RPRD1A: variants seen among roughly 807,000 people sequenced by gnomAD.
RPRD1A encodes regulation of nuclear pre-mRNA domain containing 1A.
A neutral mutation model predicts 37.8 loss-of-function variants in RPRD1A; 9 were observed. That is an observed-to-expected ratio of 0.24 (90% CI 0.14 to 0.42). The LOEUF is 0.42. RPRD1A is among the 10% of genes least tolerant of loss of function. RPRD1A has a pLI of 1.00. For synonymous variants in RPRD1A, 138 were observed against 139.7 expected (o/e 0.99, Z 0.08); for missense variants, 255 against 371.0 (o/e 0.69, Z 2.57).
chr18:36,056,672 TC>T (rs1913793470), intron 1 of RPRD1A, among the ~76,000 whole-genome samples: 1 of 152,040 alleles, frequency 6.6e-6, no homozygotes, highest in Non-Finnish European at 1.5e-5. Context: ...ATCCAAGCAT[TC>T]AACGTAAGTA....
chr18:36,033,659 T>A, intron 2 of RPRD1A, 49 bp downstream of exon 2: 1 of 1,513,856 alleles, frequency 6.6e-7, no homozygotes, highest in Non-Finnish European at 8.9e-7. Context: ...CAAAAGGACA[T>A]ATGGTACATT....
intron 1 of RPRD1A, among the ~76,000 whole-genome samples, chr18:36,054,540 G>A (rs1461376987): frequency 4.6e-5 from 7 of 152,122 alleles, no homozygotes; most frequent in African/African-American, 1.4e-4. Context: ...TCTAGATGAA[G>A]TGCTCAGATT....
chr18:36,060,420 C>T (rs576655647), intron 1 of RPRD1A, among the ~76,000 whole-genome samples: 99 of 151,902 alleles, frequency 6.5e-4, no homozygotes, highest in African/African-American at 2.1e-3. Flanking sequence ...GGCAACAAAG[C>T]GAGACTCTGT....
chr18:35,992,824 A>G lies in RPRD1A; in HGVS notation c.*327T>C, dbSNP rs1823746658. The stretch of plus-strand genomic sequence containing the variant: ...ATGCTGAAGAAAATAAAGAAAAACA[A>G]TTGAAAATACCTGAAGAAATACAAA... On this transcript the variant is annotated 3_prime_UTR_variant, in exon 7 of 7. Coordinates refer to ENST00000399022, the MANE Select transcript of RPRD1A (RefSeq NM_018170.5). 5.2e-6 allele frequency: 1 copy of G among 191,192 alleles called. No individual in the cohort carries two copies. The highest frequency in any genetic ancestry group is 5.9e-5 in the Admixed American group (1 of 17,080). 11.8% of individuals were successfully genotyped at this position (191,192 alleles called of 1,614,324 possible). A position where few individuals can be genotyped will look rare whatever the true frequency, so the allele number is the denominator to read the frequency against.
At chr18:36,061,218 A>T (rs772132112) in intron 1 of RPRD1A, among the ~76,000 whole-genome samples, 9 of 152,182 alleles carry the variant, frequency 5.9e-5, no homozygotes, top group Non-Finnish European at 1.3e-4. Flanking sequence ...TATATTTAAA[A>T]TTTTTTGTTT....
chr18:36,044,908 C>A (rs1912846215), intron 1 of RPRD1A, among the ~76,000 whole-genome samples: 1 of 151,964 alleles, frequency 6.6e-6, no homozygotes, highest in South Asian at 2.1e-4. Flanking sequence ...GTCTGAAATA[C>A]AAACATATAC....
intron 1 of RPRD1A, among the ~76,000 whole-genome samples, chr18:36,054,981 G>T (rs1376189674): frequency 6.6e-6 from 1 of 152,162 alleles, no homozygotes; most frequent in African/African-American, 2.4e-5. Context: ...ACTTACACTA[G>T]GGAGGGCATC....
chr18:35,996,251 T>A (rs1271173707), intron 6 of RPRD1A, among the ~76,000 whole-genome samples: 2 of 152,114 alleles, frequency 1.3e-5, no homozygotes, highest in Non-Finnish European at 2.9e-5. Context: ...CCTAAAATTA[T>A]TCTAAAATTA....
At position 36,008,573 on chromosome 18, in the gene RPRD1A, G is replaced by GTATATATATA. The variant is rs1339247337; in HGVS notation, c.790-15274_790-15273insTATATATATA. ...CCTGGGCGACACAGCAAGACCTTGTGTGTGTATATATATATATCTTTAAAA... is the reference window on the plus strand; with the variant it reads ...CCTGGGCGACACAGCAAGACCTTGTGTATATATATATGTGTATATATATATATCTTTAAAA... On this transcript the variant is annotated intron_variant, in intron 6 of 6. Coordinates refer to ENST00000399022, the MANE Select transcript of RPRD1A (RefSeq NM_018170.5). Among the ~76,000 whole-genome samples the GTATATATATA allele has an allele frequency of 1.9e-4, 7 of 36,636 alleles. 1 individual carries two copies. Among genetic ancestry groups the GTATATATATA allele is most frequent in the African/African-American group, 3.7e-4 (3 of 8,086 alleles). 24.0% of individuals were successfully genotyped at this position (36,636 alleles called of 152,430 possible).
intron 1 of RPRD1A, among the ~76,000 whole-genome samples, chr18:36,054,896 C>A (rs1407234799): frequency 6.6e-6 from 1 of 152,092 alleles, no homozygotes; most frequent in Non-Finnish European, 1.5e-5. Context: ...AGGCAGTCAG[C>A]AGAAGTTCTC....
chr18:36,020,979 T>C (rs1018889422), intron 6 of RPRD1A, among the ~76,000 whole-genome samples: 1 of 152,228 alleles, frequency 6.6e-6, no homozygotes, highest in African/African-American at 2.4e-5. Context: ...TTTGCTTAAG[T>C]AACTTTTTCC....
intron 1 of RPRD1A, among the ~76,000 whole-genome samples, chr18:36,051,642 A>C (rs752417036): frequency 6.6e-6 from 1 of 152,206 alleles, no homozygotes; most frequent in Non-Finnish European, 1.5e-5. Flanking sequence ...TTCTGAGGGA[A>C]TAAAGAAGTA....
At chr18:36,054,059 A>T (rs1913590051) in intron 1 of RPRD1A, among the ~76,000 whole-genome samples, 1 of 152,216 alleles carries the variant, frequency 6.6e-6, no homozygotes, top group Admixed American at 6.5e-5. Flanking sequence ...ATGTTTAGGA[A>T]ATGCCATTCA....
Position 35,993,189 on chromosome 18 carries a change from G to T in RPRD1A, c.901C>A (p.His301Asn), listed in dbSNP as rs763856571. The T allele has an allele frequency of 6.2e-7, 1 of 1,614,180 alleles. No homozygotes were observed. The change falls in exon 7 of 7, where the codon CAC (histidine) becomes AAC (asparagine). Residue 301 changes from histidine (H) to asparagine (N), a missense_variant. By Grantham distance (68) the His-to-Asn change is moderately conservative. Around this residue, in one of 2 missense-constraint regions of RPRD1A, gnomAD observed 211 missense variants for 268.9 expected, o/e 0.78. Transcript: ENST00000399022. ...RLPNVTGSHM[H>N]LPFAGDIYSE... is the part of the protein sequence containing the mutation. ...TAGATGTCTCCCGCAAAGGGCAGGT[G>T]CATGTGGCTGCCAGTGACATTGGGC... is the stretch of plus-strand genomic sequence containing the variant.
chr18:36,067,006 C>T (rs1442619631), intron 1 of RPRD1A, among the ~76,000 whole-genome samples: 1 of 152,198 alleles, frequency 6.6e-6, no homozygotes, highest in Non-Finnish European at 1.5e-5. Flanking sequence ...GAGTCCCAAC[C>T]CCCTGCTACT....
intron 1 of RPRD1A, among the ~76,000 whole-genome samples, chr18:36,052,156 C>CAG (rs1555676326): frequency 1.5e-4 from 2 of 13,608 alleles, no homozygotes; most frequent in African/African-American, 6.5e-4. Flanking sequence ...AACATCCTAA[C>CAG]AGAAAAAAAA....
chr18:36,004,040 C>T (rs534874972), intron 6 of RPRD1A, among the ~76,000 whole-genome samples: 5 of 112,220 alleles, frequency 4.5e-5, no homozygotes, highest in Admixed American at 1.3e-4. Flanking sequence ...GACTGGGTTT[C>T]GCCATGTTGC....
At chr18:36,033,894 T>C (rs1911997460) in intron 1 of RPRD1A, 57 bp from the exon 2 acceptor site, 2 of 1,435,948 alleles carry the variant, frequency 1.4e-6, no homozygotes, top group Non-Finnish European at 1.9e-6. Flanking sequence ...TGGACAAACT[T>C]TCTCAATACC....
At chr18:36,039,040 C>T (rs980153660) in intron 1 of RPRD1A, among the ~76,000 whole-genome samples, 1 of 152,064 alleles carries the variant, frequency 6.6e-6, no homozygotes, top group Non-Finnish European at 1.5e-5. Context: ...TGAGTTAATG[C>T]TAGAATGAGT....
Sources: allele counts gnomAD v4.1 joint callset (sites outside exome capture counted in the v4.1 genomes callset), GRCh38; gene constraint gnomAD v4.1.1; regional missense constraint gnomAD v4.1.1; transcripts MANE v1.5; gene names NCBI Gene and HGNC (gene_info 2026-07-23, HGNC 2026-07-21).